Variants in GLIS1 observed in about 807,000 individuals in gnomAD.
The protein encoded by GLIS1 is zinc finger protein GLIS1.
A neutral mutation model predicts 63.8 loss-of-function variants in GLIS1; 24 were observed. The observed-to-expected ratio is 0.38, with a 90% CI of 0.27 to 0.53. The LOEUF (loss-of-function observed/expected upper bound fraction) is 0.53. GLIS1 is among the 20% of genes least tolerant of loss of function. The pLI is 0.85. For synonymous variants in GLIS1, 450 were observed against 482.5 expected (o/e 0.93, Z 0.88); for missense variants, 1,036 against 1,074.1 (o/e 0.96, Z 0.50).
rs1023473965 is a variant in GLIS1 at position 53,598,983 on chromosome 1, G to A, written c.437+1118C>T. Among the ~76,000 whole-genome samples the A allele has an allele frequency of 2.6e-5, 4 of 152,214 alleles. No homozygotes were observed. Among genetic ancestry groups the A allele is most frequent in the Non-Finnish European group, 4.4e-5 (3 of 68,038 alleles). ...AGTGCCTGGCACATGACAGGCACTT[G>A]ACAAATGGCTGGTGAAGGAATAAAC... On this transcript the variant is annotated intron_variant, in intron 3 of 10. Transcript: ENST00000628545. The surrounding 1 kb of genome is among the most constrained non-coding windows in gnomAD (Gnocchi z 4.6).
intron 2 of GLIS1, among the ~76,000 whole-genome samples, chr1:53,680,955 C>T (rs947376442): frequency 6.6e-6 from 1 of 152,198 alleles, no homozygotes; most frequent in African/African-American, 2.4e-5. Context: ...GGCCACTGCC[C>T]AACACATCTA....
chr1:53,699,636 T>C (rs1646502665), intron 2 of GLIS1, among the ~76,000 whole-genome samples: 2 of 152,210 alleles, frequency 1.3e-5, no homozygotes, highest in Admixed American at 1.3e-4. Context: ...ATACTCAACC[T>C]GTACCATAGA....
In GLIS1 at chr1:53,539,496, C is replaced by A. The variant is rs1421897605; in HGVS notation, c.1321-9544G>T. Among the ~76,000 whole-genome samples, 1 of 149,578 alleles carries A rather than the reference C, an allele frequency of 6.7e-6. No homozygotes were observed. Among genetic ancestry groups the A allele is most frequent in the Non-Finnish European group, 1.5e-5 (1 of 67,446 alleles). ...ATACCTCCCACACACACGTACCACA[C>A]CCCCAACATACACACACCACACCAC... On this transcript the variant is annotated intron_variant, in intron 4 of 10. Transcript: ENST00000628545. The surrounding 1 kb of genome is among the most constrained non-coding windows in gnomAD (Gnocchi z 5.0).
At chr1:53,670,434 A>G (rs1249949672) in intron 2 of GLIS1, among the ~76,000 whole-genome samples, 2 of 152,204 alleles carry the variant, frequency 1.3e-5, no homozygotes, top group African/African-American at 2.4e-5. Context: ...GAAGACTGTT[A>G]TTGATTCAAA....
chr1:53,585,648 AG>A (rs967974499), intron 4 of GLIS1, among the ~76,000 whole-genome samples: 9 of 152,200 alleles, frequency 5.9e-5, no homozygotes, highest in Non-Finnish European at 4.4e-5. Flanking sequence ...CCTCAAGACC[AG>A]GAACTACATT....
chr1:53,658,301 T>C (rs1266120594), intron 2 of GLIS1, among the ~76,000 whole-genome samples: 2 of 152,186 alleles, frequency 1.3e-5, no homozygotes, highest in African/African-American at 4.8e-5. Context: ...TATTATACAC[T>C]AGTCTGGGAA....
chr1:53,685,770 G>A (rs1646329635), intron 2 of GLIS1, among the ~76,000 whole-genome samples: 1 of 152,134 alleles, frequency 6.6e-6, no homozygotes, highest in South Asian at 2.1e-4. Flanking sequence ...CTTCAGCGCT[G>A]GCCACCGCTA....
At chr1:53,600,565 T>C (rs1344748913) in intron 2 of GLIS1, among the ~76,000 whole-genome samples, 1 of 152,162 alleles carries the variant, frequency 6.6e-6, no homozygotes, top group African/African-American at 2.4e-5. Context: ...AACACTGTTC[T>C]AGGTGCAGGA....
chr1:53,544,431 T>C (rs930552613), intron 4 of GLIS1, among the ~76,000 whole-genome samples: 2 of 152,174 alleles, frequency 1.3e-5, no homozygotes, highest in African/African-American at 4.8e-5. Flanking sequence ...ATGTGCATCC[T>C]GCCACTCTCT....
intron 4 of GLIS1, among the ~76,000 whole-genome samples, chr1:53,557,266 T>C (rs1042543921): frequency 6.6e-6 from 1 of 152,100 alleles, no homozygotes; most frequent in East Asian, 1.9e-4. Context: ...TTGTCCATAG[T>C]ATCATAAAGG....
At chr1:53,733,935 G>A in intron 2 of GLIS1, 1 of 985,350 alleles carries the variant, frequency 1.0e-6, no homozygotes, top group Non-Finnish European at 1.2e-6. Context: ...GCCTTCCAAG[G>A]CCTCCCCAGA....
At chr1:53,525,687 C>T (rs1644460673) in intron 5 of GLIS1, among the ~76,000 whole-genome samples, 1 of 151,810 alleles carries the variant, frequency 6.6e-6, no homozygotes, top group Non-Finnish European at 1.5e-5. Flanking sequence ...TCTCACAGAC[C>T]CGCTCTTGCC....
At chr1:53,559,782 C>A (rs1644868153) in intron 4 of GLIS1, among the ~76,000 whole-genome samples, 1 of 152,184 alleles carries the variant, frequency 6.6e-6, no homozygotes, top group African/African-American at 2.4e-5. Flanking sequence ...CAGGCACTCA[C>A]CCTCATCCAC....
chr1:53,684,008 A>T (rs1348407202), intron 2 of GLIS1, among the ~76,000 whole-genome samples: 2 of 152,112 alleles, frequency 1.3e-5, no homozygotes, highest in African/African-American at 4.8e-5. Flanking sequence ...CTTTTCCCCA[A>T]ATTGGACATT....
chr1:53,723,804 C>A (rs1185187121), intron 2 of GLIS1, among the ~76,000 whole-genome samples: 1 of 152,166 alleles, frequency 6.6e-6, no homozygotes, highest in Non-Finnish European at 1.5e-5. Flanking sequence ...GGGTCAGCCA[C>A]TTCCCAAAGA....
intron 2 of GLIS1, among the ~76,000 whole-genome samples, chr1:53,669,984 T>G (rs1164121645): frequency 6.6e-6 from 1 of 152,206 alleles, no homozygotes; most frequent in African/African-American, 2.4e-5. Context: ...AGTAAATACT[T>G]AAAGTGGGAC....
intron 2 of GLIS1, among the ~76,000 whole-genome samples, chr1:53,666,143 C>T (rs1646088830): frequency 6.6e-6 from 1 of 152,144 alleles, no homozygotes; most frequent in Admixed American, 6.5e-5. Context: ...GGCTCAAGGA[C>T]CTCTGGTCTC....
At chr1:53,612,736 G>A (rs562071659) in intron 2 of GLIS1, among the ~76,000 whole-genome samples, 14 of 152,126 alleles carry the variant, frequency 9.2e-5, no homozygotes, top group African/African-American at 2.9e-4. Context: ...AAGAGGCACA[G>A]TGTCATATTC....
chr1:53,641,819 C>T (rs1008547021), intron 2 of GLIS1, among the ~76,000 whole-genome samples: 4 of 152,214 alleles, frequency 2.6e-5, no homozygotes, highest in African/African-American at 9.7e-5. Context: ...ATCTGTGCTG[C>T]AAAAGCAAGG....
Sources: gnomAD v4.1 joint callset for allele counts (sites outside exome capture counted in the v4.1 genomes callset) on GRCh38, gnomAD v4.1.1 for gene constraint, Gnocchi (gnomAD v3.1) non-coding constraint, MANE v1.5 for transcripts, NCBI Gene and HGNC (gene_info 2026-07-23, HGNC 2026-07-21) for gene names.